DRAXIN: variants seen among roughly 807,000 people sequenced by gnomAD.
DRAXIN encodes the protein dorsal repulsive axon guidance protein.
DRAXIN carries 27 observed loss-of-function variants against 33.9 expected under a neutral mutation model. That is an observed-to-expected ratio of 0.80 (90% CI 0.59 to 1.10). The LOEUF is 1.10. Ranked by LOEUF, DRAXIN falls within the 50% of genes least tolerant of loss-of-function variation. The pLI is 0.00. For missense variants in DRAXIN, 371 were observed against 460.8 expected, an observed-to-expected ratio of 0.81 and a Z score of 1.78; for synonymous variants, 178 against 194.0, an observed-to-expected ratio of 0.92 and a Z score of 0.69.
chr1:11,713,522 G>T (rs12565954), intron 5 of DRAXIN, among the ~76,000 whole-genome samples: 51,072 of 152,092 alleles, frequency 0.34, 8,979 homozygotes, highest in East Asian at 0.52. Flanking sequence ...GCCGGACGTT[G>T]TAACTAATGT....
chr1:11,715,088 GGCTGACTGCGTGT>G lies in DRAXIN; in HGVS notation c.848-27_848-15del, dbSNP rs749438823. The stretch of plus-strand genomic sequence containing the variant: ...GCTGCGGGGAGGGGCGGCTCAGCTT[GGCTGACTGCGTGT>G]GCTCTCTGTGTTGGCAGGGACTTGC... On this transcript the variant is annotated intron_variant, in intron 5 of 6. Coordinates refer to ENST00000294485, the MANE Select transcript of DRAXIN (RefSeq NM_198545.4). 1 of 1,613,240 alleles carries G rather than the reference GGCTGACTGCGTGT, an allele frequency of 6.2e-7. No homozygotes were observed. Among genetic ancestry groups the G allele is most frequent in the Non-Finnish European group, 8.5e-7 (1 of 1,179,244 alleles).
At chr1:11,718,885 T>C (rs1641618918) in intron 6 of DRAXIN, among the ~76,000 whole-genome samples, 1 of 132,774 alleles carries the variant, frequency 7.5e-6, no homozygotes, top group Non-Finnish European at 1.5e-5. Context: ...ATGTGGTAGA[T>C]TTGTTTGTTT....
At chr1:11,710,799 T>C (rs1483271082) in intron 3 of DRAXIN, among the ~76,000 whole-genome samples, 1 of 148,022 alleles carries the variant, frequency 6.8e-6, no homozygotes, top group East Asian at 2.0e-4. Context: ...GGCAGGCACA[T>C]GTAGTTCCAG....
At chr1:11,697,542 T>C (rs1029206280) in intron 1 of DRAXIN, among the ~76,000 whole-genome samples, 3 of 152,202 alleles carry the variant, frequency 2.0e-5, no homozygotes, top group African/African-American at 2.4e-5. Context: ...CATAGAGTCC[T>C]CTAAGGCATG....
At chr1:11,713,588 A>G (rs1641530847) in intron 5 of DRAXIN, among the ~76,000 whole-genome samples, 2 of 152,038 alleles carry the variant, frequency 1.3e-5, no homozygotes, top group African/African-American at 4.8e-5. Context: ...GCAGATACTG[A>G]GGTAAGTTAG....
intron 1 of DRAXIN, among the ~76,000 whole-genome samples, chr1:11,697,287 C>T (rs1641208427): frequency 1.3e-5 from 2 of 152,200 alleles, no homozygotes; most frequent in Non-Finnish European, 1.5e-5. Flanking sequence ...TGGCCTCTCA[C>T]CCGGACTGTC....
At chr1:11,693,156 T>TC (rs1299965320) in intron 1 of DRAXIN, among the ~76,000 whole-genome samples, 1 of 151,904 alleles carries the variant, frequency 6.6e-6, no homozygotes, top group Non-Finnish European at 1.5e-5. Context: ...TTTCTCTCTC[T>TC]CCTCCTCTTT....
intron 4 of DRAXIN, 59 bp from the exon 5 acceptor site, chr1:11,712,281 G>T: frequency 6.3e-7 from 1 of 1,597,964 alleles, no homozygotes; most frequent in Non-Finnish European, 8.6e-7. Context: ...CTGAGTCCCT[G>T]TGCTTAACCT....
At chr1:11,691,366 C>T (rs1159914718), upstream of DRAXIN, 1 of 152,228 alleles carries the variant, frequency 6.6e-6, no homozygotes, top group Non-Finnish European at 1.5e-5. Context: ...GCCGGAGCCC[C>T]TCCCGTCCCA....
In DRAXIN at chr1:11,720,965, G is replaced by C. The variant is rs552553306; in HGVS notation, c.*1269G>C. On this transcript the variant is annotated 3_prime_UTR_variant, in exon 7 of 7. Transcript: ENST00000294485. ...TTGCTTGCAGGAATAAGTTGGGCAG[G>C]TTGATCCCTGTGGTCTAGTAGCTGA... 1.2e-3 allele frequency: 179 copies of C among 152,322 alleles called. No homozygotes were observed. The highest frequency in any genetic ancestry group is 3.9e-3 in the African/African-American group (164 of 41,554). The allele number at this position is 152,322 out of a possible 1,614,324, so 9.4% of individuals were successfully genotyped here. A position where few individuals can be genotyped will look rare whatever the true frequency, so the allele number is the denominator to read the frequency against.
chr1:11,715,071 G>T, intron 5 of DRAXIN, 48 bp from the exon 6 acceptor site: 1 of 1,602,820 alleles, frequency 6.2e-7, no homozygotes, highest in South Asian at 1.1e-5. Flanking sequence ...GGGCTGCGGG[G>T]AGGGGCGGCT....
chr1:11,690,705 TC>T (rs1336111133), upstream of DRAXIN, among the ~76,000 whole-genome samples: 1 of 152,078 alleles, frequency 6.6e-6, no homozygotes. The surrounding 1 kb of genome is among the most constrained non-coding windows in gnomAD (Gnocchi z 4.2). Context: ...GCCCCATCGC[TC>T]TTTGATCTTT....
intron 6 of DRAXIN, among the ~76,000 whole-genome samples, chr1:11,715,914 G>A (rs1307196834): frequency 1.3e-5 from 2 of 152,218 alleles, no homozygotes; most frequent in Admixed American, 1.3e-4. Flanking sequence ...CTGTCACCCA[G>A]GCTGGAGTGC....
In DRAXIN at chr1:11,722,969, G is replaced by A. The variant is rs1641677774; in HGVS notation, c.*3273G>A. The A allele has an allele frequency of 6.6e-6, 1 of 151,958 alleles. No individual in the cohort carries two copies. The highest frequency in any genetic ancestry group is 2.1e-4 in the South Asian group (1 of 4,824). 9.4% of individuals were successfully genotyped at this position (151,958 alleles called of 1,614,324 possible). On this transcript the variant is annotated 3_prime_UTR_variant, in exon 7 of 7. Coordinates refer to ENST00000294485, the MANE Select transcript of DRAXIN (RefSeq NM_198545.4). ...AGCCTCCCAAGTAGCTGTGACTACA[G>A]GCATGTGCCACCACACCTGGTTAAT...
In DRAXIN at chr1:11,704,310, C is replaced by A. The variant is rs1381868408; in HGVS notation, c.-10-1939C>A. Among the ~76,000 whole-genome samples, 1 of 152,206 alleles carries A rather than the reference C, an allele frequency of 6.6e-6. No individual in the cohort carries two copies. Among genetic ancestry groups the A allele is most frequent in the Non-Finnish European group, 1.5e-5 (1 of 68,040 alleles). ...TGGACGGGATCCCATATGCGCTTGG[C>A]CTTTCCAGTCACAAGGAGAGCAGGG... On this transcript the variant is annotated intron_variant, in intron 1 of 6. Transcript: ENST00000294485. This position sits in a 1 kb window ranked among gnomAD's most constrained non-coding sequence, Gnocchi z 4.6.
At chr1:11,700,180 A>C (rs1305034174) in intron 1 of DRAXIN, among the ~76,000 whole-genome samples, 1 of 152,020 alleles carries the variant, frequency 6.6e-6, no homozygotes, top group Admixed American at 6.6e-5. Flanking sequence ...CAGTGAGCCG[A>C]GATTGTGCCA....
chr1:11,702,963 G>A (rs1570310804), intron 1 of DRAXIN, among the ~76,000 whole-genome samples: 1 of 152,130 alleles, frequency 6.6e-6, no homozygotes, highest in African/African-American at 2.4e-5. Flanking sequence ...GGCTGGCCTC[G>A]AACTCCTGAC....
At chr1:11,719,403 C>A (rs1220981533) in intron 6 of DRAXIN, among the ~76,000 whole-genome samples, 181 bp from the exon 7 acceptor site, 1 of 152,224 alleles carries the variant, frequency 6.6e-6, no homozygotes, top group African/African-American at 2.4e-5. Flanking sequence ...CTTCCGTGTT[C>A]ATTCCTCCCC....
chr1:11,695,473 C>G (rs183535230), intron 1 of DRAXIN, among the ~76,000 whole-genome samples: 266 of 151,964 alleles, frequency 1.8e-3, no homozygotes, highest in Admixed American at 2.6e-3. Context: ...ATAATCCCAG[C>G]TACTTGGGAG....
Sources: gnomAD v4.1 joint callset for allele counts (sites outside exome capture counted in the v4.1 genomes callset) on GRCh38, gnomAD v4.1.1 for gene constraint, Gnocchi (gnomAD v3.1) non-coding constraint, MANE v1.5 for transcripts, NCBI Gene and HGNC (gene_info 2026-07-23, HGNC 2026-07-21) for gene names.